The following CPNE3 variants were observed in gnomAD, a reference collection of about 807,000 sequenced individuals.
The protein encoded by CPNE3 is copine 3.
In CPNE3, 68 loss-of-function variants were observed where a neutral mutation model predicts 63.9. That is an observed-to-expected ratio of 1.06 (90% confidence interval 0.87 to 1.30). The LOEUF is 1.30. Among genes scored for constraint, CPNE3 ranks in the 50% most tolerant of loss-of-function variants. CPNE3 has a pLI of 0.00. For missense variants in CPNE3, 665 were observed against 578.1 expected (o/e 1.15, Z -1.54); for synonymous variants, 219 against 197.5 (o/e 1.11, Z -0.91).
intron 16 of CPNE3, among the ~76,000 whole-genome samples, chr8:86,557,915 C>T (rs1193769244): frequency 6.6e-6 from 1 of 151,942 alleles, no homozygotes; most frequent in Non-Finnish European, 1.5e-5. Flanking sequence ...TGCATGGTAC[C>T]TTTCTTTACT....
At chr8:86,554,706 G>A in intron 14 of CPNE3, 145 bp from the exon 15 acceptor site, 1 of 894,464 alleles carries the variant, frequency 1.1e-6, no homozygotes, top group South Asian at 1.8e-5. Flanking sequence ...GTAATACATA[G>A]CTTAGAGGAA....
chr8:86,522,464 T>C (rs1820454887), intron 2 of CPNE3, among the ~76,000 whole-genome samples: 1 of 150,034 alleles, frequency 6.7e-6, no homozygotes, highest in South Asian at 2.1e-4. Context: ...AACCTGGTAA[T>C]AAATACATTT....
intron 15 of CPNE3, among the ~76,000 whole-genome samples, chr8:86,555,858 A>G (rs1821313269): frequency 6.6e-6 from 1 of 152,200 alleles, no homozygotes. Flanking sequence ...TGACATTTAG[A>G]TGTCCTGCTT....
At chr8:86,531,428 TC>T (rs1187631591) in intron 5 of CPNE3, among the ~76,000 whole-genome samples, 199 bp downstream of exon 5, 1 of 152,146 alleles carries the variant, frequency 6.6e-6, no homozygotes, top group African/African-American at 2.4e-5. Context: ...AGTGTAGTAA[TC>T]CCTTCTTTCA....
chr8:86,536,346 T>G (rs1279231374), intron 6 of CPNE3, among the ~76,000 whole-genome samples: 1 of 149,380 alleles, frequency 6.7e-6, no homozygotes. Flanking sequence ...ACTTAACATA[T>G]CCTGGAGATC....
intron 2 of CPNE3, 143 bp from the exon 3 acceptor site, chr8:86,528,393 A>G: frequency 1.4e-6 from 1 of 733,460 alleles, no homozygotes; most frequent in Non-Finnish European, 2.2e-6. Context: ...GAGGAGGTGC[A>G]TATAACAGTC....
At chr8:86,557,377 C>A (rs996937521) in intron 16 of CPNE3, among the ~76,000 whole-genome samples, 6 of 152,126 alleles carry the variant, frequency 3.9e-5, no homozygotes, top group African/African-American at 1.4e-4. Context: ...CTCAAGTGAT[C>A]CACTCGCCTC....
chr8:86,515,627 G>A (rs1334959874), intron 2 of CPNE3, 128 bp downstream of exon 2: 2 of 152,212 alleles, frequency 1.3e-5, no homozygotes, highest in Non-Finnish European at 2.9e-5. Context: ...TCTATGCTAT[G>A]AGGGCTGTTA....
chr8:86,522,364 G>T (rs761892701), intron 2 of CPNE3, among the ~76,000 whole-genome samples: 1 of 151,848 alleles, frequency 6.6e-6, no homozygotes, highest in Non-Finnish European at 1.5e-5. Context: ...TTTATGAATG[G>T]GTCTCCCCAA....
intron 14 of CPNE3, among the ~76,000 whole-genome samples, chr8:86,552,226 A>G (rs910330730): frequency 6.6e-6 from 1 of 152,232 alleles, no homozygotes; most frequent in Non-Finnish European, 1.5e-5. Flanking sequence ...TTTTCTTCCT[A>G]AACAATATTC....
At chr8:86,552,491 T>G (rs1268732737) in intron 14 of CPNE3, among the ~76,000 whole-genome samples, 1 of 152,184 alleles carries the variant, frequency 6.6e-6, no homozygotes, top group East Asian at 1.9e-4. Flanking sequence ...TGTAAATGAA[T>G]ATGGATGACA....
intron 9 of CPNE3, among the ~76,000 whole-genome samples, chr8:86,546,230 T>G (rs1328596502): frequency 6.6e-6 from 1 of 152,112 alleles, no homozygotes; most frequent in Non-Finnish European, 1.5e-5. Context: ...GGAGTAATAT[T>G]TTATTTCCTT....
Position 86,556,201 on chromosome 8 carries a change from A to G in CPNE3, c.1354A>G (p.Ile452Val), listed in dbSNP as rs757099693. The change falls in exon 16 of 17, where the codon ATA becomes GTA. Residue 452 changes from isoleucine (I) to valine (V), a missense_variant. By Grantham distance (29) the Ile-to-Val change is conservative (BLOSUM62 3). Coordinates refer to ENST00000517490, the MANE Select transcript of CPNE3 (RefSeq NM_003909.5). Reference protein sequence around the residue: ...VNASRLPMSIIIVGVGGADFS... With the variant: ...VNASRLPMSIVIVGVGGADFS... Reference sequence around the variant, plus strand: ...TGCCTCCAGGCTGCCTATGTCCATCATAATTGTTGGAGTTGGAGGTGCTGA... The same window carrying G: ...TGCCTCCAGGCTGCCTATGTCCATCGTAATTGTTGGAGTTGGAGGTGCTGA... 2.3e-6 allele frequency: 2 copies of G among 873,060 alleles called. No homozygotes were observed. Among genetic ancestry groups the G allele is most frequent in the Non-Finnish European group, 4.0e-6 (2 of 501,692 alleles). The allele number at this position is 873,060 out of a possible 1,614,324, so 54.1% of individuals were successfully genotyped here.
At position 86,551,252 on chromosome 8, in the gene CPNE3, C is replaced by T. The variant is rs892780853; in HGVS notation, c.1120+18C>T. ...CTGCAATGGTAAGTTAAAAAATAAA[C>T]ATGAAGACTTCAAATGGAAAGGCTC... On this transcript the variant is annotated intron_variant, in intron 14 of 16. Coordinates refer to ENST00000517490, the MANE Select transcript of CPNE3 (RefSeq NM_003909.5). 4 of 1,519,830 alleles carry T rather than the reference C, an allele frequency of 2.6e-6. No homozygotes were observed. Among genetic ancestry groups the T allele is most frequent in the Non-Finnish European group, 3.7e-6 (4 of 1,095,512 alleles). 94.1% of individuals were successfully genotyped at this position (1,519,830 alleles called of 1,614,324 possible).
At chr8:86,540,993 A>G (rs1313579327) in intron 8 of CPNE3, among the ~76,000 whole-genome samples, 1 of 152,226 alleles carries the variant, frequency 6.6e-6, no homozygotes, top group Non-Finnish European at 1.5e-5. Context: ...ATACATACAT[A>G]TACATAAAAG....
rs1199074495 is a variant in CPNE3, at chr8:86,559,687, G to A, written c.*1277G>A. 1 of 151,648 alleles carries A rather than the reference G, an allele frequency of 6.6e-6. No homozygotes were observed. The highest frequency in any genetic ancestry group is 1.5e-5 in the Non-Finnish European group (1 of 67,976). The allele number at this position is 151,648 out of a possible 1,614,324, so 9.4% of individuals were successfully genotyped here. A position where few individuals can be genotyped will look rare whatever the true frequency, so the allele number is the denominator to read the frequency against. ...CTTTTCCTGACTTTTACCTTTTACA[G>A]CGTATTACTTAGTGAACATTACATT... On this transcript the variant is annotated 3_prime_UTR_variant, in exon 17 of 17. Coordinates refer to ENST00000517490, the MANE Select transcript of CPNE3 (RefSeq NM_003909.5).
Position 86,556,159 on chromosome 8 carries a change from A to G in CPNE3, c.1312A>G (p.Arg438Gly). ...TGTGATCACAGACCTTGATGAAACC[A>G]GACAAGCTATAGTTAATGCCTCCAG... ...DGVITDLDET[R>G]QAIVNASRLP... The change falls in exon 16 of 17, where the codon AGA becomes GGA. Residue 438 changes from arginine to glycine, a missense_variant. By Grantham distance (125) the Arg-to-Gly change is moderately radical. Transcript: ENST00000517490. The G allele has an allele frequency of 1.1e-6, 1 of 873,060 alleles. No individual in the cohort carries two copies. The allele number at this position is 873,060 out of a possible 1,614,324, so 54.1% of individuals were successfully genotyped here.
rs372295562 is a variant in CPNE3, at chr8:86,551,254, T to A, written c.1120+20T>A. 1.2e-5 allele frequency: 18 copies of A among 1,512,288 alleles called. No individual in the cohort carries two copies. In the African/African-American group the frequency reaches 2.3e-4, roughly 20 times the overall value. 93.7% of individuals were successfully genotyped at this position (1,512,288 alleles called of 1,614,324 possible). ...GCAATGGTAAGTTAAAAAATAAACA[T>A]GAAGACTTCAAATGGAAAGGCTCAC... On this transcript the variant is annotated intron_variant, in intron 14 of 16. Coordinates refer to ENST00000517490, the MANE Select transcript of CPNE3 (RefSeq NM_003909.5).
At chr8:86,528,849 T>C in intron 3 of CPNE3, 96 bp from the exon 4 acceptor site, 1 of 1,318,190 alleles carries the variant, frequency 7.6e-7, no homozygotes, top group African/African-American at 1.5e-5. Flanking sequence ...TTCCTTTAGT[T>C]GTCATGCCTA....
Sources: allele counts gnomAD v4.1 joint callset (sites outside exome capture counted in the v4.1 genomes callset), GRCh38; gene constraint gnomAD v4.1.1; transcripts MANE v1.5; gene names NCBI Gene and HGNC (gene_info 2026-07-23, HGNC 2026-07-21).